LIPI: variants seen among roughly 807,000 people sequenced by gnomAD.
LIPI encodes lipase I.
In LIPI, 59 loss-of-function variants were observed where a neutral mutation model predicts 50.6. The ratio of observed to expected loss-of-function variants is 1.16; its 90% CI spans 0.94 to 1.45. The LOEUF (loss-of-function observed/expected upper bound fraction) is 1.45, where lower values mean the gene tolerates loss of function less well. Among genes scored for constraint, LIPI ranks in the 40% most tolerant of loss-of-function variants. The pLI is 0.00. For missense variants in LIPI, 586 were observed against 536.3 expected (o/e 1.09, Z -0.92); for synonymous variants, 203 against 178.2 (o/e 1.14, Z -1.11).
At chr21:14,150,430 T>C (rs968312504) in intron 8 of LIPI, among the ~76,000 whole-genome samples, 1 of 152,212 alleles carries the variant, frequency 6.6e-6, no homozygotes, top group Non-Finnish European at 1.5e-5. Flanking sequence ...TTAAGTGATC[T>C]TCTTTTATAA....
Position 14,188,697 on chromosome 21 carries a change from C to T in LIPI, c.432+337G>A, listed in dbSNP as rs139496926. On this transcript the variant is annotated intron_variant, in intron 2 of 9. Transcript: ENST00000681601. Reference sequence around the variant, plus strand: ...GTAATAATTATAAAGTTTATTTCCCCCACCCACATAGGATAACTATTTTAT... The same window carrying T: ...GTAATAATTATAAAGTTTATTTCCCTCACCCACATAGGATAACTATTTTAT... Among the ~76,000 whole-genome samples the T allele has an allele frequency of 5.9e-4, 90 of 151,938 alleles. 1 individual carries two copies. The East Asian group carries it at 0.015, about 26-fold the overall frequency.
chr21:14,165,724 C>T (rs2018660127), intron 5 of LIPI, among the ~76,000 whole-genome samples: 1 of 152,312 alleles, frequency 6.6e-6, no homozygotes, highest in African/African-American at 2.4e-5. Context: ...GCACTCCTAA[C>T]ATTTCCACCT....
intron 7 of LIPI, among the ~76,000 whole-genome samples, chr21:14,159,016 C>G (rs1193272395): frequency 6.6e-6 from 1 of 151,408 alleles, no homozygotes; most frequent in Non-Finnish European, 1.5e-5. Context: ...AAAAAAGTCT[C>G]CAGACCCAAA....
intron 4 of LIPI, among the ~76,000 whole-genome samples, chr21:14,167,201 G>C (rs942913364): frequency 2.0e-5 from 3 of 152,220 alleles, no homozygotes; most frequent in Non-Finnish European, 4.4e-5. Context: ...GGTAAACAAA[G>C]CAGCTGGGAA....
At chr21:14,109,118 T>C (rs1306501998) in intron 9 of LIPI, 38 bp from the exon 10 acceptor site, 2 of 1,513,038 alleles carry the variant, frequency 1.3e-6, no homozygotes, top group Non-Finnish European at 1.8e-6. Context: ...AAAAAATAAC[T>C]ATTAGTAAAA....
chr21:14,189,034 CA>C lies in LIPI; in HGVS notation c.431del (p.Leu144Ter). 6.2e-7 allele frequency: 1 copy of C among 1,602,740 alleles called. No homozygotes were observed. Among genetic ancestry groups the C allele is most frequent in the Admixed American group, 1.7e-5 (1 of 59,990 alleles). ...TAATACATAAAATTCCCAGACTTAC[CA>C]AAAGATTTTTAATGTGCACACTCAA... ...VSLSVHIKNL[L>X]KHGASLDNFH... On this transcript the variant is annotated frameshift_variant and splice_region_variant, in exon 2 of 10. Coordinates refer to ENST00000681601, the MANE Select transcript of LIPI (RefSeq NM_001302998.2). LOFTEE classifies it high-confidence loss of function.
chr21:14,168,918 A>T (rs1361828977), intron 4 of LIPI, among the ~76,000 whole-genome samples: 1 of 151,482 alleles, frequency 6.6e-6, no homozygotes, highest in African/African-American at 2.4e-5. Flanking sequence ...ACAGACTGGC[A>T]AATTGGATAA....
intron 1 of LIPI, chr21:14,206,991 T>C (rs2020244462): frequency 9.3e-7 from 1 of 1,075,904 alleles, no homozygotes; most frequent in Non-Finnish European, 1.4e-6. Context: ...GAAGACCCTT[T>C]TGGGCCAGCA....
At chr21:14,194,082 G>A (rs1316701771) in intron 1 of LIPI, among the ~76,000 whole-genome samples, 1 of 151,978 alleles carries the variant, frequency 6.6e-6, no homozygotes, top group Non-Finnish European at 1.5e-5. Flanking sequence ...GAAATCAAAA[G>A]TATAATGAGA....
chr21:14,133,061 C>G (rs2017355763), intron 9 of LIPI, among the ~76,000 whole-genome samples: 1 of 152,102 alleles, frequency 6.6e-6, no homozygotes. Context: ...GGATTCACAA[C>G]CAAATTCTAC....
intron 7 of LIPI, among the ~76,000 whole-genome samples, chr21:14,162,841 C>G (rs2018541715): frequency 6.6e-6 from 1 of 151,738 alleles, no homozygotes; most frequent in Non-Finnish European, 1.5e-5. Flanking sequence ...CCATAAGATT[C>G]TTCACATAAA....
intron 9 of LIPI, among the ~76,000 whole-genome samples, chr21:14,113,732 C>T (rs995185062): frequency 1.2e-4 from 19 of 152,172 alleles, no homozygotes; most frequent in Admixed American, 6.5e-5. Context: ...TAAAGAACTG[C>T]CCAAGACTGG....
chr21:14,119,587 C>G (rs2123330896), intron 9 of LIPI, among the ~76,000 whole-genome samples: 1 of 152,258 alleles, frequency 6.6e-6, no homozygotes, highest in Non-Finnish European at 1.5e-5. Flanking sequence ...GATGAAAGGG[C>G]AGGGAAAGGA....
chr21:14,206,870 A>C, intron 1 of LIPI: 1 of 1,612,850 alleles, frequency 6.2e-7, no homozygotes, highest in Non-Finnish European at 8.5e-7. Flanking sequence ...AGAACTGAAA[A>C]GCATGAGCAC....
chr21:14,126,030 T>TA (rs146115152), intron 9 of LIPI, among the ~76,000 whole-genome samples: 4,119 of 148,410 alleles, frequency 0.028, 174 homozygotes, highest in African/African-American at 0.092. Flanking sequence ...ATCAAACATT[T>TA]AAAAAAAAAA....
intron 9 of LIPI, among the ~76,000 whole-genome samples, chr21:14,115,301 A>T (rs1156833552): frequency 2.6e-5 from 4 of 152,170 alleles, no homozygotes; most frequent in Non-Finnish European, 4.4e-5. Flanking sequence ...TGTGGAACAT[A>T]TAGCATAAAT....
chr21:14,182,895 T>A (rs374423510), intron 3 of LIPI, among the ~76,000 whole-genome samples: 1 of 151,834 alleles, frequency 6.6e-6, no homozygotes, highest in Non-Finnish European at 1.5e-5. Flanking sequence ...ATCAATATAT[T>A]GTGAAAAGGT....
intron 8 of LIPI, 90 bp from the exon 9 acceptor site, chr21:14,144,889 C>CAAA (rs1260040227): frequency 1.2e-6 from 1 of 832,604 alleles, no homozygotes; most frequent in African/African-American, 1.7e-5. Context: ...AGGGAGGCCA[C>CAAA]AGAGAACAAA....
intron 1 of LIPI, among the ~76,000 whole-genome samples, chr21:14,209,198 G>A (rs964634018): frequency 2.0e-5 from 3 of 151,128 alleles, no homozygotes; most frequent in Non-Finnish European, 3.0e-5. Context: ...TAGATGTACT[G>A]TATATCTGTA....
Sources: allele counts gnomAD v4.1 joint callset (sites outside exome capture counted in the v4.1 genomes callset), GRCh38; gene constraint gnomAD v4.1.1; transcripts MANE v1.5; gene names NCBI Gene and HGNC (gene_info 2026-07-23, HGNC 2026-07-21).